Variants in SYNDIG1 observed in about 807,000 individuals in gnomAD.
SYNDIG1 encodes the protein synapse differentiation inducing 1, also known as synapse differentiation-inducing gene protein 1.
SYNDIG1 carries 9 observed loss-of-function variants against 19.4 expected under a neutral mutation model. The ratio of observed to expected loss-of-function variants is 0.46; its 90% CI spans 0.28 to 0.81. The LOEUF is 0.81. Among genes scored for constraint, SYNDIG1 ranks in the 30% least tolerant of loss-of-function variants. SYNDIG1 has a pLI of 0.12. For synonymous variants in SYNDIG1, 141 were observed against 145.9 expected, an observed-to-expected ratio of 0.97 and a Z score of 0.24; for missense variants, 311 against 343.3, an observed-to-expected ratio of 0.91 and a Z score of 0.74.
chr20:24,477,356 C>T (rs965401010), intron 1 of SYNDIG1, among the ~76,000 whole-genome samples: 6 of 151,656 alleles, frequency 4.0e-5, no homozygotes, highest in Admixed American at 2.0e-4. Context: ...CTTTTTTTAC[C>T]AGAGCAGGGC....
intron 1 of SYNDIG1, among the ~76,000 whole-genome samples, chr20:24,525,292 T>C (rs1254578313): frequency 8.0e-4 from 25 of 31,160 alleles, no homozygotes; most frequent in African/African-American, 9.8e-4. Context: ...TCTTCTTTTT[T>C]TTTTTTTTTT....
chr20:24,617,679 A>C (rs2058959760), intron 3 of SYNDIG1, among the ~76,000 whole-genome samples: 1 of 152,004 alleles, frequency 6.6e-6, no homozygotes, highest in African/African-American at 2.4e-5. Flanking sequence ...CCCCCAAAAG[A>C]GTAGGCGAAC....
chr20:24,620,745 G>T (rs1415304301), intron 3 of SYNDIG1, among the ~76,000 whole-genome samples: 1 of 152,214 alleles, frequency 6.6e-6, no homozygotes, highest in African/African-American at 2.4e-5. Flanking sequence ...TTCCAAGGAT[G>T]AAAGAAAACT....
chr20:24,537,815 C>CCTGTGGTTCCTTGACTTTCTGCTGTCAT (rs1323039781), intron 1 of SYNDIG1, among the ~76,000 whole-genome samples: 1 of 152,090 alleles, frequency 6.6e-6, no homozygotes, highest in South Asian at 2.1e-4. Context: ...TCTGCCGTCA[C>CCTGTGGTTCCTTGACTTTCTGCTGTCAT]CTGTGGTTCC....
rs983700603 is a variant in SYNDIG1 at position 24,532,193 on chromosome 20, A to G, written c.-78-10827A>G. ...ATTCAGCCAAAGAGCTGTAATCATA[A>G]TTAGCCCCGTATTACACAAGAGCTA... On this transcript the variant is annotated intron_variant, in intron 1 of 3. Transcript: ENST00000376862. Among the ~76,000 whole-genome samples, 4 of 152,334 alleles carry G rather than the reference A, an allele frequency of 2.6e-5. No homozygotes were observed. The South Asian group carries it at 6.2e-4, about 24-fold the overall frequency.
In SYNDIG1 at chr20:24,658,001, C is replaced by T. The variant is rs1273377079; in HGVS notation, c.619-7345C>T. Among the ~76,000 whole-genome samples, 1 of 152,040 alleles carries T rather than the reference C, an allele frequency of 6.6e-6. No homozygotes were observed. The highest frequency in any genetic ancestry group is 1.9e-4 in the East Asian group (1 of 5,182). Reference sequence around the variant, plus strand: ...CAGATCTCGGGAGGCAGGTGTCTGGCGAGGGCATAACTGCTGAGGACCCCC... The same window carrying T: ...CAGATCTCGGGAGGCAGGTGTCTGGTGAGGGCATAACTGCTGAGGACCCCC... On this transcript the variant is annotated intron_variant, in intron 3 of 3. Coordinates refer to ENST00000376862, the MANE Select transcript of SYNDIG1 (RefSeq NM_024893.3). This position sits in a 1 kb window ranked among gnomAD's most constrained non-coding sequence, Gnocchi z 4.4.
rs2057497660 is a variant in SYNDIG1, at chr20:24,543,085, G to A, written c.-13G>A. The A allele has an allele frequency of 6.2e-7, 1 of 1,607,616 alleles. No individual in the cohort carries two copies. ...AGCCCACCAGCCTGACGCCCAGCCA[G>A]GGAGAGAGTACCATGGATGGCATCA... On this transcript the variant is annotated 5_prime_UTR_variant, in exon 2 of 4. Coordinates refer to ENST00000376862, the MANE Select transcript of SYNDIG1 (RefSeq NM_024893.3).
At chr20:24,580,568 C>T (rs1208271187) in intron 2 of SYNDIG1, among the ~76,000 whole-genome samples, 3 of 152,164 alleles carry the variant, frequency 2.0e-5, no homozygotes, top group African/African-American at 7.2e-5. Context: ...CACCACGAAG[C>T]TCAGCTATTT....
intron 2 of SYNDIG1, among the ~76,000 whole-genome samples, chr20:24,560,268 A>G (rs746792289): frequency 9.9e-5 from 15 of 150,794 alleles, no homozygotes; most frequent in Non-Finnish European, 1.5e-4. Context: ...ACAGGGTTCC[A>G]CTATGTTGGC....
intron 1 of SYNDIG1, among the ~76,000 whole-genome samples, chr20:24,540,934 C>T (rs2057456398): frequency 6.6e-6 from 1 of 152,174 alleles, no homozygotes; most frequent in Non-Finnish European, 1.5e-5. Context: ...GCTCACTTCT[C>T]TTCAGTTTTT....
chr20:24,538,004 A>G (rs1212519217), intron 1 of SYNDIG1, among the ~76,000 whole-genome samples: 1 of 152,144 alleles, frequency 6.6e-6, no homozygotes. Flanking sequence ...CAGACAGTGT[A>G]TCTTTTATTT....
At chr20:24,521,585 T>C (rs548752818) in intron 1 of SYNDIG1, among the ~76,000 whole-genome samples, 60 of 152,098 alleles carry the variant, frequency 3.9e-4, no homozygotes, top group Non-Finnish European at 6.8e-4. Flanking sequence ...GCTAGTATAA[T>C]AAAGGCATAT....
intron 1 of SYNDIG1, among the ~76,000 whole-genome samples, chr20:24,512,749 GTGTC>G (rs926656605): frequency 2.0e-5 from 3 of 152,300 alleles, no homozygotes; most frequent in Middle Eastern, 3.4e-3. Context: ...AGACTTAAAT[GTGTC>G]TGTCTGACAG....
intron 1 of SYNDIG1, among the ~76,000 whole-genome samples, chr20:24,526,071 T>A (rs1272403849): frequency 2.6e-5 from 4 of 152,208 alleles, no homozygotes; most frequent in African/African-American, 9.6e-5. Context: ...CTTGTATATA[T>A]GTTTTCCATC....
chr20:24,499,271 C>T (rs547278572), intron 1 of SYNDIG1, among the ~76,000 whole-genome samples: 239 of 152,274 alleles, frequency 1.6e-3, no homozygotes, highest in Non-Finnish European at 2.6e-3. Context: ...GTGATCCAAC[C>T]GCCTCAGCCT....
chr20:24,613,284 C>T (rs952366373), intron 3 of SYNDIG1, among the ~76,000 whole-genome samples: 2 of 152,146 alleles, frequency 1.3e-5, no homozygotes, highest in East Asian at 1.9e-4. Flanking sequence ...CTGCCAGCTG[C>T]TGTGTGTGCT....
chr20:24,629,080 C>G (rs2059202022), intron 3 of SYNDIG1, among the ~76,000 whole-genome samples: 1 of 152,232 alleles, frequency 6.6e-6, no homozygotes, highest in Non-Finnish European at 1.5e-5. Flanking sequence ...AGAATGAATG[C>G]AGAGCTTGGA....
chr20:24,654,513 C>T (rs778542226), intron 3 of SYNDIG1, among the ~76,000 whole-genome samples: 6 of 151,088 alleles, frequency 4.0e-5, no homozygotes, highest in African/African-American at 9.7e-5. Context: ...GCTTGGAGAA[C>T]GATTGAGGAA....
chr20:24,661,404 G>A (rs925902795), intron 3 of SYNDIG1, among the ~76,000 whole-genome samples: 208 of 15,766 alleles, frequency 0.013, no homozygotes, highest in Middle Eastern at 0.056. Context: ...GGAGGAGGTA[G>A]GAAAGAAGGA....
Sources: gnomAD v4.1 joint callset for allele counts (sites outside exome capture counted in the v4.1 genomes callset) on GRCh38, gnomAD v4.1.1 for gene constraint, Gnocchi (gnomAD v3.1) non-coding constraint, MANE v1.5 for transcripts, NCBI Gene and HGNC (gene_info 2026-07-23, HGNC 2026-07-21) for gene names.